AOPEP: variants seen among roughly 807,000 people sequenced by gnomAD.
AOPEP encodes aminopeptidase O (putative), also known as aminopeptidase O.
AOPEP carries 77 observed loss-of-function variants against 98.1 expected under a neutral mutation model. The ratio of observed to expected loss-of-function variants is 0.78; its 90% CI spans 0.65 to 0.95. AOPEP has a LOEUF of 0.95. AOPEP is among the 40% of genes least tolerant of loss of function. The probability of loss-of-function intolerance (pLI) is 0.00; values close to 1 mark genes in which losing one functional copy is unlikely to be tolerated. For missense variants in AOPEP, 1,024 were observed against 1,024.7 expected (o/e 1.00, Z 0.01); for synonymous variants, 346 against 365.3 (o/e 0.95, Z 0.60).
intron 4 of AOPEP, among the ~76,000 whole-genome samples, chr9:94,795,161 A>G (rs1422829018): frequency 6.6e-6 from 1 of 152,186 alleles, no homozygotes; most frequent in Non-Finnish European, 1.5e-5. Context: ...TGTCCCTACT[A>G]AGTAGCAATA....
rs754779858 is a variant in AOPEP at position 95,080,694 on chromosome 9, G to T, written c.2233G>T (p.Val745Phe). 5 of 1,612,862 alleles carry T rather than the reference G, an allele frequency of 3.1e-6. No homozygotes were observed. In the Admixed American group the frequency reaches 6.7e-5, roughly 22 times the overall value. ...TYHLQDQDAE[V>F]RHRWCELIVK... ...ACTGGGCTCTCTCTTGTTCCTCCAG[G>T]TTCGCCATCGGTGGTGTGAACTCAT... Residue 745 changes from valine to phenylalanine, a missense_variant and splice_region_variant, in exon 15 of 17, where the codon GTT (valine) becomes TTT (phenylalanine). Val to Phe is a conservative substitution (Grantham distance 50). Around this residue, in one of 3 missense-constraint regions of AOPEP, gnomAD observed 566 missense variants for 551.7 expected, o/e 1.03. Transcript: ENST00000375315.
chr9:94,828,441 T>C (rs1035832707), intron 5 of AOPEP, among the ~76,000 whole-genome samples: 1 of 152,182 alleles, frequency 6.6e-6, no homozygotes, highest in African/African-American at 2.4e-5. Context: ...TATCTACTTA[T>C]CCCAGATTTT....
intron 1 of AOPEP, among the ~76,000 whole-genome samples, chr9:94,750,723 G>T (rs1404972741): frequency 6.6e-6 from 1 of 151,262 alleles, no homozygotes; most frequent in African/African-American, 2.4e-5. Context: ...CATCTCCAAG[G>T]TCTGATGATT....
chr9:94,965,364 T>A (rs1296738359), intron 9 of AOPEP, among the ~76,000 whole-genome samples: 1 of 152,230 alleles, frequency 6.6e-6, no homozygotes, highest in Non-Finnish European at 1.5e-5. Flanking sequence ...AGAACAGACA[T>A]TACAAGAAAT....
chr9:94,915,011 G>A (rs1024421297), intron 5 of AOPEP, among the ~76,000 whole-genome samples: 8 of 152,148 alleles, frequency 5.3e-5, no homozygotes, highest in Non-Finnish European at 7.4e-5. Context: ...CCTACCTCCC[G>A]GTGCTTCTGA....
chr9:95,068,241 G>C (rs1474300415), intron 14 of AOPEP, among the ~76,000 whole-genome samples: 1 of 152,176 alleles, frequency 6.6e-6, no homozygotes, highest in African/African-American at 2.4e-5. Context: ...TTAACCTTTT[G>C]AGGAACTGCC....
intron 1 of AOPEP, among the ~76,000 whole-genome samples, chr9:94,747,436 A>G (rs1467615895): frequency 6.6e-6 from 1 of 152,222 alleles, no homozygotes; most frequent in Non-Finnish European, 1.5e-5. Flanking sequence ...GGTTCCAGAG[A>G]GAATTTAAAC....
At chr9:95,148,982 G>A in the AOPEP span, among the ~76,000 whole-genome samples, 579 of 152,104 alleles carry the variant, frequency 3.8e-3, 5 homozygotes, top group African/African-American at 0.012. Context: ...AAAACAACAC[G>A]TCCCACCAGA....
chr9:95,124,446 C>A, the AOPEP span, among the ~76,000 whole-genome samples: 1 of 152,192 alleles, frequency 6.6e-6, no homozygotes, highest in South Asian at 2.1e-4. Flanking sequence ...AGCTGTTGCC[C>A]AGCCTCTGCT....
At chr9:95,051,212 C>G (rs1469620630) in intron 13 of AOPEP, among the ~76,000 whole-genome samples, 3 of 151,742 alleles carry the variant, frequency 2.0e-5, no homozygotes, top group Admixed American at 6.6e-5. Flanking sequence ...GCCTCAGCCT[C>G]CCGAGTAGCT....
chr9:95,034,572 T>C (rs1401034815), intron 13 of AOPEP, among the ~76,000 whole-genome samples: 1 of 152,226 alleles, frequency 6.6e-6, no homozygotes, highest in Non-Finnish European at 1.5e-5. Context: ...AAACTCTACT[T>C]GGATATTAAT....
chr9:94,928,364 C>A, intron 6 of AOPEP, 61 bp from the exon 7 acceptor site: 1 of 1,235,516 alleles, frequency 8.1e-7, no homozygotes. Context: ...AGCCATTGCA[C>A]CAGGACCACA....
the AOPEP span, chr9:95,150,056 G>T: frequency 6.2e-7 from 1 of 1,614,070 alleles, no homozygotes; most frequent in Non-Finnish European, 8.5e-7. Context: ...ACACAAACTC[G>T]TGACAGGGAC....
chr9:94,953,605 G>A (rs1259127821), intron 7 of AOPEP, among the ~76,000 whole-genome samples: 1 of 152,188 alleles, frequency 6.6e-6, no homozygotes, highest in Non-Finnish European at 1.5e-5. Flanking sequence ...TTACAAGTGA[G>A]TAAATGAAGG....
chr9:95,099,020 G>C, the AOPEP span: 1 of 178,584 alleles, frequency 5.6e-6, no homozygotes, highest in South Asian at 2.0e-4. Context: ...GCTTTTTCCT[G>C]AGAGAAGGAT....
chr9:94,939,404 C>A (rs2056737302), intron 7 of AOPEP, among the ~76,000 whole-genome samples: 1 of 152,122 alleles, frequency 6.6e-6, no homozygotes. Context: ...CATGTTCCTC[C>A]TTGGCCAAGG....
chr9:94,732,573 T>C (rs548539517), intron 1 of AOPEP, among the ~76,000 whole-genome samples: 4 of 152,324 alleles, frequency 2.6e-5, no homozygotes, highest in African/African-American at 9.6e-5. Context: ...TTAATAATGA[T>C]ATTTTATTAC....
intron 1 of AOPEP, among the ~76,000 whole-genome samples, chr9:94,754,568 T>G (rs1021242198): frequency 2.6e-5 from 4 of 152,214 alleles, no homozygotes; most frequent in African/African-American, 9.6e-5. Flanking sequence ...CACTAGACTA[T>G]AGAGTACAGG....
intron 5 of AOPEP, among the ~76,000 whole-genome samples, chr9:94,881,306 T>C (rs1373349511): frequency 6.6e-6 from 1 of 151,580 alleles, no homozygotes; most frequent in Non-Finnish European, 1.5e-5. Flanking sequence ...GGTGAAACAG[T>C]GTGGCCTAAT....
Sources: allele counts gnomAD v4.1 joint callset (sites outside exome capture counted in the v4.1 genomes callset), GRCh38; gene constraint gnomAD v4.1.1; regional missense constraint gnomAD v4.1.1; transcripts MANE v1.5; gene names NCBI Gene and HGNC (gene_info 2026-07-23, HGNC 2026-07-21).